MTUS2: variants seen among roughly 807,000 people sequenced by gnomAD.
MTUS2 encodes the protein microtubule associated scaffold protein 2.
MTUS2 carries 40 observed loss-of-function variants against 114.1 expected under a neutral mutation model. That is an observed-to-expected ratio of 0.35 (90% CI 0.27 to 0.46). MTUS2 has a LOEUF of 0.46. Among genes scored for constraint, MTUS2 ranks in the 20% least tolerant of loss-of-function variants. The probability of loss-of-function intolerance (pLI) is 1.00; values close to 1 mark genes in which losing one functional copy is unlikely to be tolerated. For missense variants in MTUS2, 1,679 were observed against 1,705.4 expected (o/e 0.98, Z 0.27); for synonymous variants, 688 against 672.0 (o/e 1.02, Z -0.37).
chr13:29,405,859 G>A (rs188091474), intron 8 of MTUS2, among the ~76,000 whole-genome samples: 3 of 151,186 alleles, frequency 2.0e-5, no homozygotes, highest in East Asian at 2.0e-4. Context: ...TCCTGCCTCA[G>A]CCTCTAGAGT....
At chr13:29,195,539 G>GAAAAAAA (rs59726006) in intron 5 of MTUS2, among the ~76,000 whole-genome samples, 1 of 78,520 alleles carries the variant, frequency 1.3e-5, no homozygotes, top group Non-Finnish European at 2.6e-5. Flanking sequence ...ACTTAATTCT[G>GAAAAAAA]AAAAAAAAAA....
At chr13:28,825,263 T>C (rs1244083319) in intron 1 of MTUS2, among the ~76,000 whole-genome samples, 2 of 152,076 alleles carry the variant, frequency 1.3e-5, no homozygotes, top group Non-Finnish European at 2.9e-5. Context: ...CAATGATGGC[T>C]CCCACTGGTT....
intron 5 of MTUS2, among the ~76,000 whole-genome samples, chr13:29,255,948 A>G (rs1897271746): frequency 6.6e-6 from 1 of 152,180 alleles, no homozygotes; most frequent in Non-Finnish European, 1.5e-5. Context: ...CCTGGTTCAA[A>G]TGACTCAGCC....
At chr13:29,186,602 CAACT>C (rs1179868520) in intron 5 of MTUS2, among the ~76,000 whole-genome samples, 1 of 152,136 alleles carries the variant, frequency 6.6e-6, no homozygotes, top group East Asian at 1.9e-4. Context: ...ATGCACTTAA[CAACT>C]AAGCCCCAAA....
chr13:28,959,221 C>T (rs1019429189), intron 2 of MTUS2, among the ~76,000 whole-genome samples: 3 of 152,214 alleles, frequency 2.0e-5, no homozygotes, highest in Admixed American at 6.5e-5. Context: ...GATCACCTCT[C>T]GACTCCAGCT....
chr13:29,244,912 C>T (rs1220674299), intron 5 of MTUS2, among the ~76,000 whole-genome samples: 4 of 127,304 alleles, frequency 3.1e-5, no homozygotes, highest in Admixed American at 9.1e-5. Flanking sequence ...GCCGAGATCC[C>T]GCCACTGCAC....
intron 2 of MTUS2, among the ~76,000 whole-genome samples, chr13:28,859,138 T>C (rs1876815297): frequency 6.6e-6 from 1 of 152,028 alleles, no homozygotes; most frequent in Non-Finnish European, 1.5e-5. Flanking sequence ...CATCCTGAAT[T>C]AGGTGTTGCT....
At chr13:29,236,130 C>G (rs527785030) in intron 5 of MTUS2, among the ~76,000 whole-genome samples, 1 of 152,168 alleles carries the variant, frequency 6.6e-6, no homozygotes, top group Admixed American at 6.5e-5. Flanking sequence ...TACTCTTTCT[C>G]CTCTAATTTA....
chr13:29,443,861 C>T (rs542624409), intron 9 of MTUS2, among the ~76,000 whole-genome samples: 7 of 151,916 alleles, frequency 4.6e-5, no homozygotes, highest in African/African-American at 1.4e-4. Context: ...GGGAGCTGGA[C>T]GTGGAGGGAT....
At chr13:29,403,549 C>T (rs1235600410) in intron 8 of MTUS2, among the ~76,000 whole-genome samples, 3 of 152,210 alleles carry the variant, frequency 2.0e-5, no homozygotes, top group Non-Finnish European at 4.4e-5. Flanking sequence ...GCTGATTGCC[C>T]TCCCAAATGT....
At chr13:29,139,573 C>G (rs201771910) in intron 5 of MTUS2, among the ~76,000 whole-genome samples, 5 of 151,608 alleles carry the variant, frequency 3.3e-5, no homozygotes, top group Non-Finnish European at 5.9e-5. Context: ...GTTCACTTTA[C>G]TTAGTCCAAT....
At chr13:29,037,982 G>T (rs190168046) in intron 4 of MTUS2, among the ~76,000 whole-genome samples, 6 of 152,252 alleles carry the variant, frequency 3.9e-5, no homozygotes, top group African/African-American at 1.2e-4. Flanking sequence ...AGAAGAGTTG[G>T]TTGTTACCCA....
chr13:28,961,925 T>C (rs776926822), intron 2 of MTUS2, among the ~76,000 whole-genome samples: 3 of 152,152 alleles, frequency 2.0e-5, no homozygotes, highest in Non-Finnish European at 4.4e-5. Flanking sequence ...ATGTCCATCA[T>C]TGGTTATCAG....
intron 2 of MTUS2, among the ~76,000 whole-genome samples, chr13:28,906,969 A>G (rs1477586185): frequency 6.6e-6 from 1 of 151,496 alleles, no homozygotes; most frequent in Non-Finnish European, 1.5e-5. Context: ...CCAAAGTAGA[A>G]ATGAAGGAAA....
chr13:29,377,680 T>A (rs1871857660), intron 8 of MTUS2, among the ~76,000 whole-genome samples: 1 of 151,332 alleles, frequency 6.6e-6, no homozygotes, highest in South Asian at 2.1e-4. Context: ...GAAGAAAGAC[T>A]CAAATCAATA....
At position 29,504,918 on chromosome 13, in the gene MTUS2, C is replaced by T. The variant is rs918590030; in HGVS notation, c.*1712C>T. The T allele has an allele frequency of 3.4e-5, 8 of 232,414 alleles. No homozygotes were observed. The highest frequency in any genetic ancestry group is 6.0e-5 in the Non-Finnish European group (7 of 117,632). 14.4% of individuals were successfully genotyped at this position (232,414 alleles called of 1,614,324 possible). A position where few individuals can be genotyped will look rare whatever the true frequency, so the allele number is the denominator to read the frequency against. ...TCGGCTTGTCCAGGGCACGCCTGCT[C>T]GGCACACGTGTTGCCAACGTGAAGG... On this transcript the variant is annotated 3_prime_UTR_variant, in exon 16 of 16. Transcript: ENST00000612955.
intron 5 of MTUS2, among the ~76,000 whole-genome samples, chr13:29,128,930 T>G (rs1467412682): frequency 5.3e-5 from 8 of 152,214 alleles, no homozygotes; most frequent in African/African-American, 1.9e-4. Context: ...CCTTCATCTT[T>G]GATGCCTTTA....
chr13:29,419,643 TG>T (rs1266673993), intron 8 of MTUS2, among the ~76,000 whole-genome samples: 1 of 152,204 alleles, frequency 6.6e-6, no homozygotes, highest in African/African-American at 2.4e-5. Context: ...CTACTGTTGC[TG>T]GGGTTCAACT....
chr13:28,870,696 G>T (rs1877566103), intron 2 of MTUS2, among the ~76,000 whole-genome samples: 1 of 152,168 alleles, frequency 6.6e-6, no homozygotes, highest in South Asian at 2.1e-4. Flanking sequence ...GGATAGTCTG[G>T]CTGGCAGTGG....
Sources: allele counts gnomAD v4.1 joint callset (sites outside exome capture counted in the v4.1 genomes callset), GRCh38; gene constraint gnomAD v4.1.1; transcripts MANE v1.5; gene names NCBI Gene and HGNC (gene_info 2026-07-23, HGNC 2026-07-21).